The following CUL4A variants were observed in gnomAD, a reference collection of about 807,000 sequenced individuals.
CUL4A encodes cullin 4A, also known as cullin-4A.
In CUL4A, 16 loss-of-function variants were observed where a neutral mutation model predicts 95.5. The observed-to-expected ratio is 0.17, with a 90% CI of 0.11 to 0.25. CUL4A has a LOEUF of 0.25. Among genes scored for constraint, CUL4A ranks in the 10% least tolerant of loss-of-function variants. The probability of loss-of-function intolerance (pLI) is 1.00; values close to 1 mark genes in which losing one functional copy is unlikely to be tolerated. For missense variants in CUL4A, 610 were observed against 937.0 expected (o/e 0.65, Z 4.56); for synonymous variants, 380 against 353.1 (o/e 1.08, Z -0.85).
rs1197388632 is a variant in CUL4A at position 113,260,211 on chromosome 13, A to AAAAAAAAAAAAAAAACAAAAAAC, written c.2032-388_2032-387insAAAAAAACAAAAAACAAAAAAAA. Among the ~76,000 whole-genome samples, 22 of 119,520 alleles carry AAAAAAAAAAAAAAAACAAAAAAC rather than the reference A, an allele frequency of 1.8e-4. 1 individual carries two copies. Among genetic ancestry groups the AAAAAAAAAAAAAAAACAAAAAAC allele is most frequent in the African/African-American group, 7.6e-4 (21 of 27,708 alleles). The allele number at this position is 119,520 out of a possible 152,430, so 78.4% of individuals were successfully genotyped here. A position where few individuals can be genotyped will look rare whatever the true frequency, so the allele number is the denominator to read the frequency against. On this transcript the variant is annotated intron_variant, in intron 18 of 19. Transcript: ENST00000375440. ...AGAGTGAGACTCCGTCTCAAAAAAA[A>AAAAAAAAAAAAAAAACAAAAAAC]AAAAAAAACCATTTCCCATCAAATT...
In CUL4A at chr13:113,265,183, C is replaced by T. The variant is rs1303532462; in HGVS notation, c.*1601C>T. 1 of 152,220 alleles carries T rather than the reference C, an allele frequency of 6.6e-6. No homozygotes were observed. The highest frequency in any genetic ancestry group is 1.5e-5 in the Non-Finnish European group (1 of 68,058). The allele number at this position is 152,220 out of a possible 1,614,324, so 9.4% of individuals were successfully genotyped here. The stretch of plus-strand genomic sequence containing the variant: ...TCAAGTGATTATTCTTTCCTGGCCA[C>T]CTCTACCACAAAATACCAGTGGGGC... On this transcript the variant is annotated 3_prime_UTR_variant, in exon 20 of 20. Coordinates refer to ENST00000375440, the MANE Select transcript of CUL4A (RefSeq NM_001008895.4).
At chr13:113,232,691 C>T (rs1566344853) in intron 5 of CUL4A, among the ~76,000 whole-genome samples, 1 of 152,162 alleles carries the variant, frequency 6.6e-6, no homozygotes, top group Non-Finnish European at 1.5e-5. Context: ...CAGGGGAAAG[C>T]AGCAAACATT....
intron 10 of CUL4A, among the ~76,000 whole-genome samples, chr13:113,240,171 C>T (rs1021895590): frequency 1.3e-5 from 2 of 152,098 alleles, no homozygotes; most frequent in African/African-American, 2.4e-5. Context: ...TAGGGGCTCT[C>T]GGCCCAGGGC....
rs911916968 is a variant in CUL4A, at chr13:113,209,791, G to A, written c.148+16G>A. The A allele has an allele frequency of 2.5e-6, 3 of 1,177,224 alleles. No homozygotes were observed. Among genetic ancestry groups the A allele is most frequent in the African/African-American group, 1.6e-5 (1 of 62,686 alleles). 72.9% of individuals were successfully genotyped at this position (1,177,224 alleles called of 1,614,324 possible). A position where few individuals can be genotyped will look rare whatever the true frequency, so the allele number is the denominator to read the frequency against. On this transcript the variant is annotated intron_variant, in intron 1 of 19. Transcript: ENST00000375440. ...AACTTCCGAGGTGGGTGCGGCGGCC[G>A]GGTCGAGGGCCAGGCGCCCCGGGCG...
upstream of CUL4A, chr13:113,208,914 G>A (rs2040190763): frequency 5.1e-6 from 7 of 1,368,816 alleles, no homozygotes; most frequent in Middle Eastern, 2.8e-4. Flanking sequence ...GTCCAGTGGC[G>A]AGGACAGCCC....
In CUL4A at chr13:113,264,512, T is replaced by C. The variant is rs2042365142; in HGVS notation, c.*930T>C. On this transcript the variant is annotated 3_prime_UTR_variant, in exon 20 of 20. Transcript: ENST00000375440. ...CTTGATGTTGTGAAGCAGAGGTTATTTTGTGGAAAGATTAAAAGGATTTTG... is the reference window on the plus strand; with the variant it reads ...CTTGATGTTGTGAAGCAGAGGTTATCTTGTGGAAAGATTAAAAGGATTTTG... 6.6e-6 allele frequency: 1 copy of C among 152,442 alleles called. No homozygotes were observed. Among genetic ancestry groups the C allele is most frequent in the South Asian group, 2.1e-4 (1 of 4,830 alleles). 9.4% of individuals were successfully genotyped at this position (152,442 alleles called of 1,614,324 possible).
chr13:113,232,154 G>GT (rs1566343441), intron 5 of CUL4A, among the ~76,000 whole-genome samples: 9 of 15,766 alleles, frequency 5.7e-4, no homozygotes, highest in Non-Finnish European at 9.4e-4. Context: ...CACCATTACT[G>GT]CTGCCACCAC....
upstream of CUL4A, chr13:113,208,490 G>A (rs1307288455): frequency 1.9e-6 from 3 of 1,543,912 alleles, no homozygotes; most frequent in Non-Finnish European, 2.6e-6. Flanking sequence ...AACGGAAGAA[G>A]GGTGGCGAGG....
At chr13:113,234,258 G>A (rs1304508148) in intron 7 of CUL4A, among the ~76,000 whole-genome samples, 2 of 152,054 alleles carry the variant, frequency 1.3e-5, no homozygotes, top group African/African-American at 2.4e-5. Context: ...TCAAATTTAA[G>A]CAAGATGATA....
intron 18 of CUL4A, among the ~76,000 whole-genome samples, chr13:113,255,640 C>T (rs552675639): frequency 2.8e-4 from 43 of 152,170 alleles, no homozygotes; most frequent in Non-Finnish European, 5.7e-4. Flanking sequence ...TCCTGAATGC[C>T]GTACAGTTGG....
At chr13:113,209,046 G>C (rs1595318614), upstream of CUL4A, 1 of 311,798 alleles carries the variant, frequency 3.2e-6, no homozygotes, top group East Asian at 1.8e-4. Flanking sequence ...CGAGGAGGGG[G>C]AGGGGGAGGG....
chr13:113,265,339 G>C lies in CUL4A; in HGVS notation c.*1757G>C, dbSNP rs2042380073. 1 of 152,276 alleles carries C rather than the reference G, an allele frequency of 6.6e-6. No individual in the cohort carries two copies. The highest frequency in any genetic ancestry group is 1.5e-5 in the Non-Finnish European group (1 of 68,100). The allele number at this position is 152,276 out of a possible 1,614,324, so 9.4% of individuals were successfully genotyped here. A position where few individuals can be genotyped will look rare whatever the true frequency, so the allele number is the denominator to read the frequency against. On this transcript the variant is annotated 3_prime_UTR_variant, in exon 20 of 20. Coordinates refer to ENST00000375440, the MANE Select transcript of CUL4A (RefSeq NM_001008895.4). ...CAAGGTGGGAGGATCGTTTGAGCCT[G>C]AGTTCCAGACCATCCTGAGCACCAT...
At chr13:113,251,674 G>A (rs528086229) in intron 15 of CUL4A, among the ~76,000 whole-genome samples, 4 of 152,240 alleles carry the variant, frequency 2.6e-5, no homozygotes, top group East Asian at 1.9e-4. Context: ...CCCTGCTCCC[G>A]TCATGTGAAG....
chr13:113,238,615 TG>T (rs2041617963), intron 9 of CUL4A, among the ~76,000 whole-genome samples: 1 of 152,198 alleles, frequency 6.6e-6, no homozygotes, highest in African/African-American at 2.4e-5. Flanking sequence ...TCTTAAGACA[TG>T]GGTTTTAGTA....
At chr13:113,260,482 G>A (rs183902805) in intron 18 of CUL4A, 125 bp from the exon 19 acceptor site, 36 of 754,582 alleles carry the variant, frequency 4.8e-5, no homozygotes, top group African/African-American at 4.0e-4. Flanking sequence ...CCTGGGAGGC[G>A]GAGGTTGCAG....
chr13:113,261,970 A>G lies in CUL4A; in HGVS notation c.2184+1211A>G, dbSNP rs564044839. ...TAATTTTTGTATTTTTAGTAGAGAC[A>G]GGGTTTTACCGTGTGGTCAGGCTGG... is the stretch of plus-strand genomic sequence containing the variant. On this transcript the variant is annotated intron_variant, in intron 19 of 19. Transcript: ENST00000375440. 3.4e-3 allele frequency among the ~76,000 whole-genome samples: 511 copies of G among 152,228 alleles called. 4 individuals carry two copies. The highest frequency in any genetic ancestry group is 5.8e-3 in the Non-Finnish European group (392 of 68,004).
intron 4 of CUL4A, among the ~76,000 whole-genome samples, chr13:113,228,948 G>A (rs1326199306): frequency 2.6e-5 from 4 of 151,196 alleles, no homozygotes; most frequent in Admixed American, 1.3e-4. Context: ...GTGAAACCAC[G>A]TCTCTACTGA....
intron 4 of CUL4A, among the ~76,000 whole-genome samples, chr13:113,229,227 G>A (rs544585529): frequency 7.9e-5 from 12 of 152,168 alleles, no homozygotes; most frequent in East Asian, 5.8e-4. Flanking sequence ...GGCTAAGTGC[G>A]TTAAAATTCC....
chr13:113,250,073 C>T (rs2041955793), intron 15 of CUL4A, among the ~76,000 whole-genome samples: 1 of 152,156 alleles, frequency 6.6e-6, no homozygotes, highest in Non-Finnish European at 1.5e-5. Flanking sequence ...TGTGCTTCTA[C>T]AAAAGTTTTT....
Sources: gnomAD v4.1 joint callset for allele counts (sites outside exome capture counted in the v4.1 genomes callset) on GRCh38, gnomAD v4.1.1 for gene constraint, MANE v1.5 for transcripts, NCBI Gene and HGNC (gene_info 2026-07-23, HGNC 2026-07-21) for gene names.